The following TTC29 variants were observed in gnomAD, a reference collection of about 807,000 sequenced individuals.
TTC29 encodes the protein tetratricopeptide repeat domain 29.
Under a neutral mutation model 58.1 loss-of-function variants are expected in TTC29, and 49 were observed. The ratio of observed to expected loss-of-function variants is 0.84; its 90% confidence interval spans 0.67 to 1.07. TTC29 has a LOEUF of 1.07. Among genes scored for constraint, TTC29 ranks in the 50% least tolerant of loss-of-function variants. The pLI, the probability that TTC29 is intolerant of heterozygous loss-of-function variation, is 0.00. For synonymous variants in TTC29, 209 were observed against 196.8 expected (o/e 1.06, Z -0.52); for missense variants, 582 against 555.6 (o/e 1.05, Z -0.48).
At chr4:146,750,850 T>G (rs946442755) in intron 11 of TTC29, among the ~76,000 whole-genome samples, 5 of 152,198 alleles carry the variant, frequency 3.3e-5, no homozygotes, top group Non-Finnish European at 4.4e-5. Context: ...AAAATGGCAG[T>G]GATAAGTCTT....
chr4:146,915,736 T>G (rs1215195492), intron 4 of TTC29, among the ~76,000 whole-genome samples: 1 of 152,028 alleles, frequency 6.6e-6, no homozygotes, highest in Non-Finnish European at 1.5e-5. Flanking sequence ...AAAGGCATTA[T>G]TGTATATTCA....
At chr4:146,939,483 T>C (rs1329673385) in intron 3 of TTC29, among the ~76,000 whole-genome samples, 1 of 152,080 alleles carries the variant, frequency 6.6e-6, no homozygotes, top group African/African-American at 2.4e-5. Flanking sequence ...CACCTTTCAT[T>C]CCCAAAGCTT....
chr4:146,710,681 C>A (rs940468819), intron 11 of TTC29, among the ~76,000 whole-genome samples: 1 of 152,092 alleles, frequency 6.6e-6, no homozygotes, highest in Non-Finnish European at 1.5e-5. Context: ...GGAACAGTAC[C>A]ACTCTAGTAA....
intron 6 of TTC29, among the ~76,000 whole-genome samples, chr4:146,902,602 C>G (rs990326429): frequency 1.2e-4 from 18 of 152,118 alleles, no homozygotes; most frequent in African/African-American, 4.3e-4. Context: ...TAAATTCCAC[C>G]CATCTTCCAA....
chr4:146,861,440 T>C (rs1730225855), intron 8 of TTC29, among the ~76,000 whole-genome samples: 1 of 152,198 alleles, frequency 6.6e-6, no homozygotes, highest in African/African-American at 2.4e-5. Context: ...TCAGGGTCTC[T>C]ATGACCCCTT....
chr4:146,742,604 TCCC>T (rs1223845677), intron 11 of TTC29, among the ~76,000 whole-genome samples: 4 of 147,492 alleles, frequency 2.7e-5, no homozygotes, highest in African/African-American at 1.0e-4. Context: ...CTTCCTTCCC[TCCC>T]TTCCTTCCCT....
intron 11 of TTC29, among the ~76,000 whole-genome samples, chr4:146,736,828 G>A (rs1041086662): frequency 2.6e-5 from 4 of 152,194 alleles, no homozygotes; most frequent in African/African-American, 9.7e-5. Flanking sequence ...GTTTATGCAG[G>A]ATCTTGGTAC....
intron 8 of TTC29, among the ~76,000 whole-genome samples, chr4:146,848,002 A>AT (rs1011070622): frequency 2.0e-5 from 3 of 151,988 alleles, no homozygotes; most frequent in Middle Eastern, 3.2e-3. Flanking sequence ...TCCCCTATGC[A>AT]TTTTTTTTAA....
chr4:146,717,654 T>C (rs1176890731), intron 11 of TTC29, among the ~76,000 whole-genome samples: 1 of 152,114 alleles, frequency 6.6e-6, no homozygotes, highest in Non-Finnish European at 1.5e-5. Flanking sequence ...GGGTACAAAG[T>C]GATGTTATGA....
At chr4:146,731,616 C>A (rs1349900488) in intron 11 of TTC29, among the ~76,000 whole-genome samples, 1 of 152,120 alleles carries the variant, frequency 6.6e-6, no homozygotes, top group African/African-American at 2.4e-5. Flanking sequence ...GTGGCAATTT[C>A]TTTCTGGCAT....
At chr4:146,815,252 G>A (rs1000233952) in intron 10 of TTC29, among the ~76,000 whole-genome samples, 1 of 151,856 alleles carries the variant, frequency 6.6e-6, no homozygotes, top group African/African-American at 2.4e-5. Context: ...CAGTTGCAGA[G>A]ATAGAGGGAA....
At chr4:146,811,842 C>T (rs977230029) in intron 10 of TTC29, among the ~76,000 whole-genome samples, 1 of 152,140 alleles carries the variant, frequency 6.6e-6, no homozygotes, top group African/African-American at 2.4e-5. Flanking sequence ...AGGAAGAGCA[C>T]ATATAACACT....
intron 9 of TTC29, among the ~76,000 whole-genome samples, chr4:146,821,968 G>A (rs1010259421): frequency 4.9e-5 from 7 of 143,202 alleles, no homozygotes; most frequent in Admixed American, 2.1e-4. Context: ...ACCTATCCTC[G>A]TAAGAACATG....
At chr4:146,934,359 A>G (rs1257562061) in intron 4 of TTC29, 1 of 152,140 alleles carries the variant, frequency 6.6e-6, no homozygotes, top group Non-Finnish European at 1.5e-5. Context: ...GGCTGCCTTG[A>G]TGTTATTTGC....
Position 146,855,172 on chromosome 4 carries a change from A to G in TTC29, c.885+12326T>C, listed in dbSNP as rs1373960476. On this transcript the variant is annotated intron_variant, in intron 8 of 12. Transcript: ENST00000325106. ...TAGCTGGGCATGGTGGCTCATGCCT[A>G]TAATCCCAGCAGCACTTTGGGAGAC... Among the ~76,000 whole-genome samples, 6 of 151,734 alleles carry G rather than the reference A, an allele frequency of 4.0e-5. No individual in the cohort carries two copies. The East Asian group carries it at 9.7e-4, about 25-fold the overall frequency.
chr4:146,926,653 G>T (rs1734954913), intron 4 of TTC29, among the ~76,000 whole-genome samples: 1 of 151,948 alleles, frequency 6.6e-6, no homozygotes, highest in Admixed American at 6.6e-5. Context: ...AGTAGAGACA[G>T]GGTTTCACCA....
rs978037046 is a variant in TTC29 at position 146,756,575 on chromosome 4, C to T, written c.1330+46882G>A. Among the ~76,000 whole-genome samples the T allele has an allele frequency of 5.3e-5, 8 of 152,070 alleles. No individual in the cohort carries two copies. The South Asian group carries it at 1.7e-3, about 32-fold the overall frequency. On this transcript the variant is annotated intron_variant, in intron 11 of 12. Coordinates refer to ENST00000325106, the MANE Select transcript of TTC29 (RefSeq NM_031956.4). ...CATATGGACAAGTAGATTTTCAATA[C>T]AAACTAACCCAGGGAAGTTTTCCTT...
Position 146,803,674 on chromosome 4 carries a change from G to T in TTC29, c.1113C>A (p.Asn371Lys). The T allele has an allele frequency of 6.3e-7, 1 of 1,584,576 alleles. No individual in the cohort carries two copies. The highest frequency in any genetic ancestry group is 1.1e-5 in the South Asian group (1 of 87,724). ...CTTGCTGAAAGCATTCAGAAGCTTT[G>T]TTGTAGTATCCCTAAAAAGGTAAGA... is the stretch of plus-strand genomic sequence containing the variant. ...GDIYNEKGYY[N>K]KASECFQQAF... Residue 371 changes from asparagine to lysine, a missense_variant, in exon 11 of 13, where the codon AAC (asparagine) becomes AAA (lysine). Asn to Lys is a moderately conservative substitution (Grantham distance 94). Coordinates refer to ENST00000325106, the MANE Select transcript of TTC29 (RefSeq NM_031956.4).
In TTC29 at chr4:146,903,670, C is replaced by G; in HGVS notation, c.460G>C (p.Glu154Gln). Residue 154 changes from glutamate (E) to glutamine (Q), a missense_variant, in exon 6 of 13, where the codon GAA (glutamate) becomes CAA (glutamine). Physicochemically the swap from Glu to Gln is conservative, Grantham distance 29. Coordinates refer to ENST00000325106, the MANE Select transcript of TTC29 (RefSeq NM_031956.4). ...AAGTGGTTCCTTACCCACTTGTCTT[C>G]AGAATTATTGAAGTAACAGGCCAGA... is the stretch of plus-strand genomic sequence containing the variant. ...YALACYFNNS[E>Q]DKWVRNHFYE... 8 of 1,612,682 alleles carry G rather than the reference C, an allele frequency of 5.0e-6. No homozygotes were observed. Among genetic ancestry groups the G allele is most frequent in the Non-Finnish European group, 6.8e-6 (8 of 1,179,328 alleles).
Sources: gnomAD v4.1 joint callset for allele counts (sites outside exome capture counted in the v4.1 genomes callset) on GRCh38, gnomAD v4.1.1 for gene constraint, MANE v1.5 for transcripts, NCBI Gene and HGNC (gene_info 2026-07-23, HGNC 2026-07-21) for gene names.